Variants in SEM1 observed in about 807,000 individuals in gnomAD.
SEM1 encodes SEM1 26S proteasome subunit.
SEM1 carries 3 observed loss-of-function variants against 12.7 expected under a neutral mutation model. The ratio of observed to expected loss-of-function variants is 0.24; its 90% CI spans 0.11 to 0.61. The LOEUF (loss-of-function observed/expected upper bound fraction) is 0.61, where lower values mean the gene tolerates loss of function less well. SEM1 is among the 20% of genes least tolerant of loss of function. The probability of loss-of-function intolerance (pLI) is 0.88; values close to 1 mark genes in which losing one functional copy is unlikely to be tolerated. For missense variants in SEM1, 59 were observed against 81.3 expected (o/e 0.73, Z 1.06); for synonymous variants, 30 against 27.8 (o/e 1.08, Z -0.25).
At chr7:96,618,828 G>A (rs574169272), downstream of SEM1, among the ~76,000 whole-genome samples, 1 of 152,228 alleles carries the variant, frequency 6.6e-6, no homozygotes, top group African/African-American at 2.4e-5. Flanking sequence ...GCATGCACAT[G>A]TAGTCCTACC....
intron 2 of SEM1, among the ~76,000 whole-genome samples, chr7:96,508,887 G>A (rs949696607): frequency 1.3e-5 from 2 of 151,986 alleles, no homozygotes; most frequent in Non-Finnish European, 2.9e-5. Flanking sequence ...TCTGTAATAC[G>A]TCTTTACTTG....
At position 96,562,395 on chromosome 7, in the gene SEM1, T is replaced by C. The variant is rs1480685468; in HGVS notation, c.171-55697A>G. Among the ~76,000 whole-genome samples, 5 of 152,310 alleles carry C rather than the reference T, an allele frequency of 3.3e-5. No individual in the cohort carries two copies. The South Asian group carries it at 8.3e-4, about 25-fold the overall frequency. On this transcript the variant is annotated intron_variant and NMD_transcript_variant, in intron 2 of 3. Transcript: ENST00000466986. ...TCTATGTATGAAGGATACAGTGCTATGGATATATAGCAGGGGAAAACTTAT... is the reference window on the plus strand; with the variant it reads ...TCTATGTATGAAGGATACAGTGCTACGGATATATAGCAGGGGAAAACTTAT...
At chr7:96,526,399 C>T (rs1020426345) in intron 2 of SEM1, among the ~76,000 whole-genome samples, 1 of 152,046 alleles carries the variant, frequency 6.6e-6, no homozygotes, top group Non-Finnish European at 1.5e-5. Flanking sequence ...ATGGTCTCTT[C>T]TTATTCCCAA....
chr7:96,688,159 C>A (rs1180208759), downstream of SEM1: 1 of 152,076 alleles, frequency 6.6e-6, no homozygotes. Flanking sequence ...CAAATTAAAT[C>A]TCCCATTCAC....
At chr7:96,673,680 CAAT>C (rs1343146106) in exon 3 of SEM1, 2 of 737,740 alleles carry the variant, frequency 2.7e-6, no homozygotes, top group African/African-American at 1.7e-5. Context: ...GACTAGTGCT[CAAT>C]AATAGCTCTC....
chr7:96,661,717 G>A (rs1188059561), intron 2 of SEM1, among the ~76,000 whole-genome samples: 1 of 152,162 alleles, frequency 6.6e-6, no homozygotes, highest in African/African-American at 2.4e-5. Flanking sequence ...GCCGGGCGTG[G>A]TGCCTCATGC....
At position 96,617,128 on chromosome 7, in the gene SEM1, T is replaced by A. The variant is rs1026018037; in HGVS notation, c.170+77670A>T. Among the ~76,000 whole-genome samples, 3 of 152,204 alleles carry A rather than the reference T, an allele frequency of 2.0e-5. No individual in the cohort carries two copies. In the East Asian group the frequency reaches 5.8e-4, roughly 29 times the overall value. ...TAGGGATTGCATAGGATCTGTAGAA[T>A]GCTTTGGACAGTAAGGTATTTTAAT... is the stretch of plus-strand genomic sequence containing the variant. On this transcript the variant is annotated intron_variant and NMD_transcript_variant, in intron 2 of 3. Transcript: ENST00000466986.
intron 2 of SEM1, among the ~76,000 whole-genome samples, chr7:96,584,907 G>A (rs1383390408): frequency 1.3e-5 from 2 of 150,940 alleles, no homozygotes; most frequent in Non-Finnish European, 3.0e-5. Context: ...TTTTCCTTTG[G>A]TTTGAATGTC....
rs1158895787 is a variant in SEM1, at chr7:96,709,798, C to T, written c.-35G>A. On this transcript the variant is annotated 5_prime_UTR_variant, in exon 1 of 3. Coordinates refer to ENST00000248566, the MANE Select transcript of SEM1 (RefSeq NM_006304.2). Reference sequence around the variant, plus strand: ...CCGCGCCCAACACCTCCCAGATAAGCAGAAAAGTTGGAACCCTCACTCTTC... The same window carrying T: ...CCGCGCCCAACACCTCCCAGATAAGTAGAAAAGTTGGAACCCTCACTCTTC... The T allele has an allele frequency of 1.9e-6, 3 of 1,608,410 alleles. No individual in the cohort carries two copies. The highest frequency in any genetic ancestry group is 2.6e-6 in the Non-Finnish European group (3 of 1,175,578).
At chr7:96,486,987 G>A (rs1228516838) in intron 1 of SEM1, among the ~76,000 whole-genome samples, 1 of 152,166 alleles carries the variant, frequency 6.6e-6, no homozygotes, top group East Asian at 1.9e-4. Flanking sequence ...TCAACAGGCA[G>A]AATTTAGCTA....
At chr7:96,631,386 C>A (rs1348797991) in intron 2 of SEM1, among the ~76,000 whole-genome samples, 1 of 152,044 alleles carries the variant, frequency 6.6e-6, no homozygotes, top group Non-Finnish European at 1.5e-5. Context: ...CAGTTTTTTT[C>A]TTTTATAATA....
chr7:96,485,536 C>A, intron 2 of SEM1, among the ~76,000 whole-genome samples: 1 of 76,702 alleles, frequency 1.3e-5, no homozygotes, highest in East Asian at 3.5e-4. Flanking sequence ...TCTCTACATT[C>A]TTTTTTTTTT....
chr7:96,550,258 A>C (rs1380653485), intron 2 of SEM1, among the ~76,000 whole-genome samples: 1 of 152,188 alleles, frequency 6.6e-6, no homozygotes, highest in African/African-American at 2.4e-5. Context: ...ACATGGTTAT[A>C]ATTGAAAAAG....
intron 2 of SEM1, among the ~76,000 whole-genome samples, chr7:96,519,513 T>G (rs1419564447): frequency 6.6e-6 from 1 of 151,914 alleles, no homozygotes; most frequent in Admixed American, 6.6e-5. Context: ...GTGGGTGGGT[T>G]GAGATTTTTT....
chr7:96,645,539 G>A, intron 2 of SEM1: 1 of 383,990 alleles, frequency 2.6e-6, no homozygotes, highest in Admixed American at 4.5e-5. Flanking sequence ...AATAAAAGAG[G>A]ACAGCTTATA....
At chr7:96,699,430 T>C (rs1790201980) in intron 1 of SEM1, among the ~76,000 whole-genome samples, 1 of 152,204 alleles carries the variant, frequency 6.6e-6, no homozygotes, top group Non-Finnish European at 1.5e-5. Context: ...ATCACTGTCA[T>C]AAGCAAAACA....
chr7:96,655,194 C>A (rs1809136655), intron 2 of SEM1, among the ~76,000 whole-genome samples: 1 of 152,078 alleles, frequency 6.6e-6, no homozygotes, highest in South Asian at 2.1e-4. Context: ...GTACCAGAGA[C>A]TAAAATGTTT....
chr7:96,481,873 G>A (rs1246994118), exon 4 of SEM1: 2 of 152,098 alleles, frequency 1.3e-5, no homozygotes, highest in African/African-American at 4.8e-5. Context: ...AGGGTAATAT[G>A]AAATGTTAAT....
intron 3 of SEM1, among the ~76,000 whole-genome samples, chr7:96,501,801 G>A (rs1008855688): frequency 6.6e-6 from 1 of 151,886 alleles, no homozygotes; most frequent in Non-Finnish European, 1.5e-5. Flanking sequence ...CGATGTTTGG[G>A]GTACAATTAA....
Sources: gnomAD v4.1 joint callset for allele counts (sites outside exome capture counted in the v4.1 genomes callset) on GRCh38, gnomAD v4.1.1 for gene constraint, MANE v1.5 for transcripts, NCBI Gene and HGNC (gene_info 2026-07-23, HGNC 2026-07-21) for gene names.